CNTNAP2: variants seen among roughly 807,000 people sequenced by gnomAD.
The protein encoded by CNTNAP2 is contactin-associated protein-like 2.
CNTNAP2 carries 98 observed loss-of-function variants against 155.2 expected under a neutral mutation model. That is an observed-to-expected ratio of 0.63 (90% CI 0.54 to 0.75). The LOEUF is 0.75. CNTNAP2 is among the 30% of genes least tolerant of loss of function. CNTNAP2 has a pLI of 0.00. For missense variants in CNTNAP2, 1,727 were observed against 1,688.1 expected, an observed-to-expected ratio of 1.02 and a Z score of -0.40; for synonymous variants, 651 against 631.2, an observed-to-expected ratio of 1.03 and a Z score of -0.47.
rs189217498 is a variant in CNTNAP2, at chr7:148,346,552, A to G, written c.3476-37097A>G. Among the ~76,000 whole-genome samples, 1,057 of 152,064 alleles carry G rather than the reference A, an allele frequency of 7.0e-3. 16 individuals carry two copies. The highest frequency in any genetic ancestry group is 0.024 in the African/African-American group (1,010 of 41,462). On this transcript the variant is annotated intron_variant, in intron 21 of 23. Coordinates refer to ENST00000361727, the MANE Select transcript of CNTNAP2 (RefSeq NM_014141.6). The stretch of plus-strand genomic sequence containing the variant: ...TTTGGGAGGCCAAGGCAGGCGGATC[A>G]CCTGAGGTCAGGAGTTCGAGACCAG...
intron 3 of CNTNAP2, among the ~76,000 whole-genome samples, chr7:147,019,320 A>G (rs1798779892): frequency 6.6e-6 from 1 of 151,998 alleles, no homozygotes; most frequent in Non-Finnish European, 1.5e-5. Flanking sequence ...ACGCTTTAAC[A>G]CTCAATAAAT....
At chr7:146,990,579 C>T (rs765625204) in intron 3 of CNTNAP2, among the ~76,000 whole-genome samples, 9 of 151,754 alleles carry the variant, frequency 5.9e-5, no homozygotes, top group Non-Finnish European at 1.3e-4. Flanking sequence ...ATTTCTCTTC[C>T]CCTGAGTTCC....
Position 147,376,856 on chromosome 7 carries a change from A to G in CNTNAP2, c.1499-18753A>G, listed in dbSNP as rs575070064. On this transcript the variant is annotated intron_variant, in intron 9 of 23. Transcript: ENST00000361727. Reference sequence around the variant, plus strand: ...GTAACACTACTGTATATTACAAATGATCTCAATACGTTTATACTATAGCAC... The same window carrying G: ...GTAACACTACTGTATATTACAAATGGTCTCAATACGTTTATACTATAGCAC... Among the ~76,000 whole-genome samples the G allele has an allele frequency of 1.7e-3, 264 of 152,018 alleles. 1 individual carries two copies. The highest frequency in any genetic ancestry group is 6.1e-3 in the African/African-American group (255 of 41,512).
chr7:146,547,474 G>T (rs940965), intron 1 of CNTNAP2, among the ~76,000 whole-genome samples: 3 of 151,816 alleles, frequency 2.0e-5, no homozygotes, highest in African/African-American at 4.8e-5. Context: ...TTTCATGCCT[G>T]TTTATTTATA....
chr7:146,513,593 C>A (rs1282221253), intron 1 of CNTNAP2, among the ~76,000 whole-genome samples: 26 of 151,930 alleles, frequency 1.7e-4, no homozygotes, highest in Admixed American at 2.0e-4. Context: ...GAACTTCATC[C>A]CCCCAGCATA....
At chr7:147,538,006 C>T (rs1050721275) in intron 11 of CNTNAP2, among the ~76,000 whole-genome samples, 1 of 151,992 alleles carries the variant, frequency 6.6e-6, no homozygotes, top group Non-Finnish European at 1.5e-5. Context: ...TTACAGACCA[C>T]TAAAAATCTC....
At chr7:147,852,093 A>G (rs1009229611) in intron 13 of CNTNAP2, among the ~76,000 whole-genome samples, 11 of 152,178 alleles carry the variant, frequency 7.2e-5, no homozygotes, top group African/African-American at 2.4e-4. Flanking sequence ...CTCTTTGGGA[A>G]CTCCAGTGTG....
chr7:148,164,135 A>G (rs1411891842), intron 17 of CNTNAP2, among the ~76,000 whole-genome samples: 3 of 152,060 alleles, frequency 2.0e-5, no homozygotes, highest in Non-Finnish European at 4.4e-5. Context: ...GGGTTTCACC[A>G]TGTTGGCCAG....
At chr7:147,161,860 C>T (rs894141798) in intron 8 of CNTNAP2, 48 of 152,238 alleles carry the variant, frequency 3.2e-4, no homozygotes, top group African/African-American at 1.1e-3. Context: ...AATGCTGTTT[C>T]CATTTTTATG....
intron 21 of CNTNAP2, among the ~76,000 whole-genome samples, chr7:148,382,932 T>G (rs535384410): frequency 1.3e-5 from 2 of 152,346 alleles, no homozygotes; most frequent in South Asian, 2.1e-4. Context: ...ATTGCACTTG[T>G]TACCTTGGAA....
At chr7:147,580,366 A>G (rs1049336731) in intron 12 of CNTNAP2, among the ~76,000 whole-genome samples, 1 of 152,118 alleles carries the variant, frequency 6.6e-6, no homozygotes, top group Non-Finnish European at 1.5e-5. Flanking sequence ...GGTAATGGCT[A>G]TTACACCCTC....
chr7:147,443,304 C>T (rs1401330593), intron 10 of CNTNAP2, among the ~76,000 whole-genome samples: 2 of 152,104 alleles, frequency 1.3e-5, no homozygotes, highest in African/African-American at 4.8e-5. Context: ...TAACAGGACA[C>T]CACTGAGTCC....
chr7:146,334,495 T>A (rs964437511), intron 1 of CNTNAP2, among the ~76,000 whole-genome samples: 1 of 152,026 alleles, frequency 6.6e-6, no homozygotes, highest in Non-Finnish European at 1.5e-5. Context: ...GAGATTCTTA[T>A]AGAACTAAAA....
intron 10 of CNTNAP2, among the ~76,000 whole-genome samples, chr7:147,483,155 G>A (rs1290111226): frequency 6.6e-6 from 1 of 152,050 alleles, no homozygotes; most frequent in Non-Finnish European, 1.5e-5. Context: ...CTGAATTTTT[G>A]AAGTACAGTT....
At chr7:147,637,542 C>G (rs1287630920) in intron 12 of CNTNAP2, among the ~76,000 whole-genome samples, 1 of 152,156 alleles carries the variant, frequency 6.6e-6, no homozygotes, top group African/African-American at 2.4e-5. Flanking sequence ...CTGTCTCTCT[C>G]TCACCACTTC....
chr7:146,293,007 A>C (rs1468357700), intron 1 of CNTNAP2, among the ~76,000 whole-genome samples: 2 of 152,192 alleles, frequency 1.3e-5, no homozygotes, highest in Non-Finnish European at 1.5e-5. Flanking sequence ...AAATGTTCTC[A>C]CCACAAAATA....
chr7:146,151,450 A>AT (rs59807872), intron 1 of CNTNAP2, among the ~76,000 whole-genome samples: 108 of 145,492 alleles, frequency 7.4e-4, no homozygotes, highest in Non-Finnish European at 1.2e-3. Flanking sequence ...TATGAATTCA[A>AT]TTTTTTTTTT....
intron 3 of CNTNAP2, among the ~76,000 whole-genome samples, chr7:147,030,883 C>CA (rs994205996): frequency 1.3e-5 from 2 of 151,924 alleles, no homozygotes; most frequent in African/African-American, 2.4e-5. Context: ...GACCCTGCCT[C>CA]AAAAAATATA....
chr7:146,977,187 C>T (rs560919524), intron 3 of CNTNAP2, among the ~76,000 whole-genome samples: 1 of 152,190 alleles, frequency 6.6e-6, no homozygotes, highest in African/African-American at 2.4e-5. Flanking sequence ...TTGTTTATGA[C>T]TCAATGTAAA....
Sources: allele counts gnomAD v4.1 joint callset (sites outside exome capture counted in the v4.1 genomes callset), GRCh38; gene constraint gnomAD v4.1.1; transcripts MANE v1.5; gene names NCBI Gene and HGNC (gene_info 2026-07-23, HGNC 2026-07-21).